The following PRKRA variants were observed in gnomAD, a reference collection of about 807,000 sequenced individuals.
PRKRA encodes protein activator of interferon induced protein kinase EIF2AK2.
PRKRA carries 22 observed loss-of-function variants against 32.4 expected under a neutral mutation model. The observed-to-expected ratio is 0.68, with a 90% CI of 0.49 to 0.97. PRKRA has a LOEUF of 0.97. Ranked by LOEUF, PRKRA falls within the 50% of genes least tolerant of loss-of-function variation. PRKRA has a pLI of 0.00. For synonymous variants in PRKRA, 139 were observed against 129.8 expected (o/e 1.07, Z -0.48); for missense variants, 319 against 375.6 (o/e 0.85, Z 1.25).
chr2:178,445,087 TG>T (rs1697265773), intron 3 of PRKRA, among the ~76,000 whole-genome samples: 1 of 152,256 alleles, frequency 6.6e-6, no homozygotes, highest in South Asian at 2.1e-4. Flanking sequence ...GAGATCTGTT[TG>T]ATCTATCATC....
chr2:178,450,506 G>A lies in PRKRA; in HGVS notation c.66-95C>T. On this transcript the variant is annotated intron_variant, in intron 1 of 7. Transcript: ENST00000325748. The stretch of plus-strand genomic sequence containing the variant: ...TTTTAACCGCCACCGACGGTGACGA[G>A]GGAGGCGCCGAGTTCCCCGGAGGCC... 4 of 1,396,736 alleles carry A rather than the reference G, an allele frequency of 2.9e-6. No homozygotes were observed. In the Admixed American group the frequency reaches 6.3e-5, roughly 22 times the overall value. The allele number at this position is 1,396,736 out of a possible 1,614,324, so 86.5% of individuals were successfully genotyped here.
Position 178,431,945 on chromosome 2 carries a change from C to T in PRKRA, c.*152G>A. 4 of 941,636 alleles carry T rather than the reference C, an allele frequency of 4.2e-6. No homozygotes were observed. The South Asian group carries it at 4.6e-5, about 11-fold the overall frequency. The allele number at this position is 941,636 out of a possible 1,614,324, so 58.3% of individuals were successfully genotyped here. A position where few individuals can be genotyped will look rare whatever the true frequency, so the allele number is the denominator to read the frequency against. On this transcript the variant is annotated 3_prime_UTR_variant, in exon 8 of 8. Transcript: ENST00000325748. ...GCCATTAAAAAGAGCTTAATAACAA[C>T]TATGAGGAGATAATTAAATCTGGAG...
Position 178,451,064 on chromosome 2 carries a change from AGCGGTGCGGAGCGACGTGCTC to A in PRKRA, c.-55_-35del. On this transcript the variant is annotated 5_prime_UTR_variant, in exon 1 of 8. Transcript: ENST00000325748. The stretch of plus-strand genomic sequence containing the variant: ...GGGACGGCTCAGCGGCTGGAGGAAG[AGCGGTGCGGAGCGACGTGCTC>A]GCTCCCCGGGTCGCTGGTCCCCGGG... 1 of 1,544,750 alleles carries A rather than the reference AGCGGTGCGGAGCGACGTGCTC, an allele frequency of 6.5e-7. No homozygotes were observed. The highest frequency in any genetic ancestry group is 1.9e-5 in the Admixed American group (1 of 52,732).
chr2:178,448,482 G>T (rs1231044305), intron 2 of PRKRA, among the ~76,000 whole-genome samples: 1 of 152,158 alleles, frequency 6.6e-6, no homozygotes, highest in African/African-American at 2.4e-5. Flanking sequence ...CCTGAAGTAT[G>T]GAATGGGATA....
intron 4 of PRKRA, chr2:178,443,675 C>G: frequency 2.9e-6 from 1 of 341,514 alleles, no homozygotes; most frequent in Non-Finnish European, 5.7e-6. Context: ...CTACCGCCCT[C>G]TTTGGCAACA....
At chr2:178,446,459 A>C (rs1344703378) in intron 3 of PRKRA, among the ~76,000 whole-genome samples, 10 of 152,222 alleles carry the variant, frequency 6.6e-5, no homozygotes, top group African/African-American at 1.7e-4. Context: ...AGAATGATTT[A>C]CAAAAAGAGA....
At chr2:178,432,922 G>A (rs1475321881) in intron 7 of PRKRA, among the ~76,000 whole-genome samples, 1 of 152,136 alleles carries the variant, frequency 6.6e-6, no homozygotes, top group Non-Finnish European at 1.5e-5. Flanking sequence ...GGAAACAAAC[G>A]TTCTTCCCAT....
At chr2:178,444,952 AG>A (rs1349499784) in intron 3 of PRKRA, among the ~76,000 whole-genome samples, 2 of 152,254 alleles carry the variant, frequency 1.3e-5, no homozygotes, top group Non-Finnish European at 2.9e-5. Flanking sequence ...ATGTATTTAA[AG>A]AATACTCTGT....
At position 178,431,946 on chromosome 2, in the gene PRKRA, T is replaced by A. The variant is rs886055203; in HGVS notation, c.*151A>T. The A allele has an allele frequency of 2.8e-4, 265 of 941,354 alleles. No homozygotes were observed. The highest frequency in any genetic ancestry group is 4.0e-4 in the Non-Finnish European group (248 of 616,026). The allele number at this position is 941,354 out of a possible 1,614,324, so 58.3% of individuals were successfully genotyped here. On this transcript the variant is annotated 3_prime_UTR_variant, in exon 8 of 8. Coordinates refer to ENST00000325748, the MANE Select transcript of PRKRA (RefSeq NM_003690.5). ...CCATTAAAAAGAGCTTAATAACAAC[T>A]ATGAGGAGATAATTAAATCTGGAGT...
At chr2:178,449,450 G>A (rs1169577079) in intron 2 of PRKRA, among the ~76,000 whole-genome samples, 1 of 152,022 alleles carries the variant, frequency 6.6e-6, no homozygotes, top group African/African-American at 2.4e-5. Flanking sequence ...TTTTTTTCTT[G>A]GCATTCTTCC....
intron 2 of PRKRA, among the ~76,000 whole-genome samples, chr2:178,449,871 CGCT>C (rs1184571645): frequency 6.6e-6 from 1 of 152,158 alleles, no homozygotes. Flanking sequence ...TCCTGGCATC[CGCT>C]ATAATCTATG....
chr2:178,442,816 T>TA (rs1217351206), intron 5 of PRKRA, among the ~76,000 whole-genome samples: 1 of 152,232 alleles, frequency 6.6e-6, no homozygotes, highest in Non-Finnish European at 1.5e-5. Flanking sequence ...GAAGTTGCTA[T>TA]AATTAAGAAA....
At position 178,450,411 on chromosome 2, in the gene PRKRA, A is replaced by G. The variant is rs777378640; in HGVS notation, c.66T>C (p.Ser22=). 5 of 1,614,214 alleles carry G rather than the reference A, an allele frequency of 3.1e-6. No individual in the cohort carries two copies. Among genetic ancestry groups the G allele is most frequent in the Middle Eastern group, 1.6e-4 (1 of 6,062 alleles). ...PLEREDSGTF[S]LGKMITAKPG... ...GCTTAGCTGTTATCATCTTCCCCAA[A>G]CTGCAAAAACCACAAAAAGGTGTGC... Residue 22 remains serine, a splice_region_variant and synonymous_variant, in exon 2 of 8, where the codon AGT becomes AGC. Coordinates refer to ENST00000325748, the MANE Select transcript of PRKRA (RefSeq NM_003690.5).
intron 6 of PRKRA, chr2:178,439,726 G>T (rs532218189): frequency 1.3e-5 from 2 of 151,666 alleles, no homozygotes; most frequent in East Asian, 3.9e-4. Context: ...CCATGATTTT[G>T]GTTTTTTTCC....
intron 7 of PRKRA, 26 bp from the exon 8 acceptor site, chr2:178,432,280 G>A (rs976834783): frequency 3.0e-5 from 24 of 801,528 alleles, no homozygotes; most frequent in Non-Finnish European, 4.0e-5. Context: ...CAAGGATGAC[G>A]ATTAATGTCC....
At chr2:178,434,837 T>A (rs550583754) in intron 7 of PRKRA, among the ~76,000 whole-genome samples, 10 of 152,072 alleles carry the variant, frequency 6.6e-5, no homozygotes, top group Non-Finnish European at 1.2e-4. Context: ...TCAAGATACT[T>A]TGGCCAGGCA....
At chr2:178,435,355 C>T (rs1696843718) in intron 7 of PRKRA, among the ~76,000 whole-genome samples, 1 of 143,746 alleles carries the variant, frequency 7.0e-6, no homozygotes, top group African/African-American at 2.6e-5. Context: ...TGTACTCCAG[C>T]CTGGGCAACA....
At chr2:178,434,100 C>T (rs1683148828) in intron 7 of PRKRA, 1 of 151,836 alleles carries the variant, frequency 6.6e-6, no homozygotes, top group Admixed American at 6.6e-5. Context: ...AATGGTCTCT[C>T]ATCAGCCACC....
chr2:178,437,803 C>A (rs61656127), intron 6 of PRKRA, among the ~76,000 whole-genome samples: 1 of 151,988 alleles, frequency 6.6e-6, no homozygotes, highest in Admixed American at 6.6e-5. Flanking sequence ...AATATTTTTT[C>A]TTTTTTTCCC....
Sources: allele counts gnomAD v4.1 joint callset (sites outside exome capture counted in the v4.1 genomes callset), GRCh38; gene constraint gnomAD v4.1.1; transcripts MANE v1.5; gene names NCBI Gene and HGNC (gene_info 2026-07-23, HGNC 2026-07-21).